Variants in HERC3 observed in about 807,000 individuals in gnomAD.
HERC3 encodes the protein probable E3 ubiquitin-protein ligase HERC3.
Under a neutral mutation model 129.9 loss-of-function variants are expected in HERC3, and 58 were observed. That is an observed-to-expected ratio of 0.45 (90% confidence interval 0.36 to 0.56). HERC3 has a LOEUF of 0.56. HERC3 is among the 20% of genes least tolerant of loss of function. The probability of loss-of-function intolerance (pLI) is 0.00; values close to 1 mark genes in which losing one functional copy is unlikely to be tolerated. For missense variants in HERC3, 835 were observed against 1,244.2 expected, an observed-to-expected ratio of 0.67 and a Z score of 4.95; for synonymous variants, 430 against 451.0, an observed-to-expected ratio of 0.95 and a Z score of 0.59.
At chr4:88,525,671 T>C in the HERC3 span, among the ~76,000 whole-genome samples, 2 of 152,206 alleles carry the variant, frequency 1.3e-5, no homozygotes, top group Non-Finnish European at 2.9e-5. Context: ...CTCAAATTTA[T>C]AACACCAGAA....
chr4:88,698,636 C>G (rs926654231), intron 23 of HERC3, among the ~76,000 whole-genome samples: 1 of 149,560 alleles, frequency 6.7e-6, no homozygotes, highest in Non-Finnish European at 1.5e-5. Context: ...AAAGCATGTG[C>G]CATCTATCCC....
At chr4:88,634,850 G>T (rs1329736514) in intron 3 of HERC3, among the ~76,000 whole-genome samples, 1 of 152,126 alleles carries the variant, frequency 6.6e-6, no homozygotes, top group East Asian at 1.9e-4. Context: ...ATTTCCAGAT[G>T]CAGGAGTGAA....
At chr4:88,657,692 G>A (rs1730059720) in intron 9 of HERC3, among the ~76,000 whole-genome samples, 1 of 152,202 alleles carries the variant, frequency 6.6e-6, no homozygotes, top group Admixed American at 6.5e-5. Context: ...AACCCTCTTG[G>A]TAATGTGGGA....
intron 2 of HERC3, among the ~76,000 whole-genome samples, chr4:88,605,174 G>C (rs1253575554): frequency 6.6e-6 from 1 of 152,136 alleles, no homozygotes; most frequent in Non-Finnish European, 1.5e-5. Flanking sequence ...AGGGATGCAG[G>C]CTGACTTGTC....
intron 3 of HERC3, among the ~76,000 whole-genome samples, chr4:88,635,700 G>T (rs1727303520): frequency 6.6e-6 from 1 of 151,918 alleles, no homozygotes; most frequent in Admixed American, 6.6e-5. Context: ...CACATAATCG[G>T]ATTCACCAAG....
At position 88,697,330 on chromosome 4, in the gene HERC3, T is replaced by C. The variant is rs755039082; in HGVS notation, c.2658-6768T>C. ...CTCCTCCTCGTCATCCTCGTACTCC[T>C]CTTCCTCCTCCTCCTCCCCCTCCAA... On this transcript the variant is annotated intron_variant, in intron 23 of 25. Coordinates refer to ENST00000402738, the MANE Select transcript of HERC3 (RefSeq NM_014606.3). 22 of 1,613,630 alleles carry C rather than the reference T, an allele frequency of 1.4e-5. No individual in the cohort carries two copies. The African/African-American group carries it at 2.8e-4, about 21-fold the overall frequency.
At chr4:88,591,613 G>C (rs551940309), upstream of HERC3, among the ~76,000 whole-genome samples, 1 of 152,254 alleles carries the variant, frequency 6.6e-6, no homozygotes, top group South Asian at 2.1e-4. Flanking sequence ...GACACATGAA[G>C]TCACCTTTCT....
the HERC3 span, among the ~76,000 whole-genome samples, chr4:88,556,991 T>A: frequency 6.6e-6 from 1 of 152,122 alleles, no homozygotes; most frequent in Non-Finnish European, 1.5e-5. Flanking sequence ...TATTCACATA[T>A]ATTCACACAT....
chr4:88,566,145 G>T, the HERC3 span, among the ~76,000 whole-genome samples: 1 of 151,952 alleles, frequency 6.6e-6, no homozygotes, highest in South Asian at 2.1e-4. Flanking sequence ...CCCTCCAAAA[G>T]GCCTCAGTGT....
At chr4:88,550,344 G>A in the HERC3 span, among the ~76,000 whole-genome samples, 1 of 152,206 alleles carries the variant, frequency 6.6e-6, no homozygotes, top group Middle Eastern at 3.2e-3. Context: ...AAGTCAAACT[G>A]TCCCTGTTTG....
At chr4:88,682,352 A>G (rs1732872504) in intron 21 of HERC3, among the ~76,000 whole-genome samples, 1 of 152,012 alleles carries the variant, frequency 6.6e-6, no homozygotes. Context: ...TTTAAGTTTT[A>G]GGATACATGT....
chr4:88,602,275 G>A (rs562031377), intron 2 of HERC3, among the ~76,000 whole-genome samples: 4 of 151,252 alleles, frequency 2.6e-5, no homozygotes, highest in South Asian at 2.1e-4. Context: ...GGTGGCACAC[G>A]CCTGTAATCC....
chr4:88,708,099 A>T lies in HERC3; in HGVS notation c.*1139A>T, dbSNP rs1735917418. ...CTTCCCTAATTGCTAAGATTTAAGGACGTTCTTTATTATGAAACTTTATCA... is the reference window on the plus strand; with the variant it reads ...CTTCCCTAATTGCTAAGATTTAAGGTCGTTCTTTATTATGAAACTTTATCA... On this transcript the variant is annotated 3_prime_UTR_variant, in exon 26 of 26. Transcript: ENST00000402738. The T allele has an allele frequency of 6.6e-6, 1 of 152,348 alleles. No homozygotes were observed. The highest frequency in any genetic ancestry group is 2.4e-5 in the African/African-American group (1 of 41,316). The allele number at this position is 152,348 out of a possible 1,614,324, so 9.4% of individuals were successfully genotyped here. A position where few individuals can be genotyped will look rare whatever the true frequency, so the allele number is the denominator to read the frequency against.
chr4:88,535,652 CAGG>C, the HERC3 span, among the ~76,000 whole-genome samples: 2 of 152,136 alleles, frequency 1.3e-5, no homozygotes, highest in African/African-American at 4.8e-5. Context: ...CATCCCAAGG[CAGG>C]AGGACAGGAG....
rs115263042 is a variant in HERC3 at position 88,677,869 on chromosome 4, G to A, written c.2026-95G>A. 1.9e-3 allele frequency: 2,017 copies of A among 1,043,938 alleles called. 35 individuals are homozygous for A. In the African/African-American group the frequency reaches 0.029, roughly 15 times the overall value. 64.7% of individuals were successfully genotyped at this position (1,043,938 alleles called of 1,614,324 possible). On this transcript the variant is annotated intron_variant, in intron 18 of 25. Transcript: ENST00000402738. ...GGAAAAAAATTAACAAAATGGAGAT[G>A]CAGTCAGCGCCCCCAAGTCCAGAAG...
intron 3 of HERC3, among the ~76,000 whole-genome samples, chr4:88,617,213 C>A (rs1465519791): frequency 2.1e-5 from 3 of 143,596 alleles, no homozygotes; most frequent in African/African-American, 7.9e-5. Context: ...AAATTGAGAA[C>A]CTTCTCTGAG....
At chr4:88,595,449 A>G (rs1233201995) in intron 1 of HERC3, 108 bp from the exon 2 acceptor site, 1 of 152,236 alleles carries the variant, frequency 6.6e-6, no homozygotes, top group African/African-American at 2.4e-5. Context: ...TGAGTAATTT[A>G]AAGATATTCT....
chr4:88,594,339 G>A (rs1722102659), intron 1 of HERC3, among the ~76,000 whole-genome samples: 1 of 152,204 alleles, frequency 6.6e-6, no homozygotes, highest in South Asian at 2.1e-4. Context: ...AGTTTTATAA[G>A]TAAAAGTACT....
In HERC3 at chr4:88,677,879, C is replaced by T. The variant is rs140997685; in HGVS notation, c.2026-85C>T. On this transcript the variant is annotated intron_variant, in intron 18 of 25. Transcript: ENST00000402738. ...TAACAAAATGGAGATGCAGTCAGCGCCCCCAAGTCCAGAAGCACAGCTGAC... is the reference window on the plus strand; with the variant it reads ...TAACAAAATGGAGATGCAGTCAGCGTCCCCAAGTCCAGAAGCACAGCTGAC... 1.1e-5 allele frequency: 14 copies of T among 1,219,874 alleles called. No homozygotes were observed. In the East Asian group the frequency reaches 2.1e-4, roughly 18 times the overall value. The allele number at this position is 1,219,874 out of a possible 1,614,324, so 75.6% of individuals were successfully genotyped here.
Sources: gnomAD v4.1 joint callset for allele counts (sites outside exome capture counted in the v4.1 genomes callset) on GRCh38, gnomAD v4.1.1 for gene constraint, MANE v1.5 for transcripts, NCBI Gene and HGNC (gene_info 2026-07-23, HGNC 2026-07-21) for gene names.